Variants in UGT1A9 observed in about 807,000 individuals in gnomAD.
UGT1A9 encodes the protein UDP glucuronosyltransferase family 1 member A9, also known as UDP-glucuronosyltransferase 1A9.
In UGT1A9, 35 loss-of-function variants were observed where a neutral mutation model predicts 45.0. The ratio of observed to expected loss-of-function variants is 0.78; its 90% CI spans 0.59 to 1.03. The LOEUF is 1.03. UGT1A9 is among the 50% of genes least tolerant of loss of function. The pLI, the probability that UGT1A9 is intolerant of heterozygous loss-of-function variation, is 0.00. For synonymous variants in UGT1A9, 278 were observed against 250.6 expected (o/e 1.11, Z -1.03); for missense variants, 687 against 666.6 (o/e 1.03, Z -0.34).
chr2:233,759,135 A>G (rs1346504675), intron 1 of UGT1A9, among the ~76,000 whole-genome samples: 1 of 152,234 alleles, frequency 6.6e-6, no homozygotes, highest in African/African-American at 2.4e-5. Flanking sequence ...CTGGTACGCA[A>G]TGAAGGTGAG....
intron 1 of UGT1A9, chr2:233,743,635 G>C: frequency 1.5e-6 from 2 of 1,367,296 alleles, no homozygotes; most frequent in Non-Finnish European, 2.0e-6. Flanking sequence ...CGGCTGGGTC[G>C]CGGAAGCTGA....
chr2:233,724,642 G>A (rs896870557), intron 1 of UGT1A9, among the ~76,000 whole-genome samples: 3 of 142,058 alleles, frequency 2.1e-5, no homozygotes, highest in African/African-American at 8.0e-5. Flanking sequence ...AGATGTGATG[G>A]CGGCTGGGAA....
chr2:233,757,806 A>G (rs1052183239), intron 1 of UGT1A9, among the ~76,000 whole-genome samples: 1 of 151,788 alleles, frequency 6.6e-6, no homozygotes, highest in Non-Finnish European at 1.5e-5. Context: ...AGGAGATGAA[A>G]GGAGCTGGTA....
At chr2:233,748,157 C>A in intron 1 of UGT1A9, 2 of 1,600,820 alleles carry the variant, frequency 1.2e-6, no homozygotes, top group Non-Finnish European at 1.7e-6. Context: ...ACAATTGCTT[C>A]CATATCTACT....
intron 1 of UGT1A9, among the ~76,000 whole-genome samples, chr2:233,683,181 A>C (rs527983544): frequency 9.9e-5 from 15 of 152,270 alleles, no homozygotes; most frequent in African/African-American, 3.6e-4. Flanking sequence ...ATGTATATGC[A>C]TATATTTAGG....
chr2:233,746,130 T>A (rs757715130), intron 1 of UGT1A9, among the ~76,000 whole-genome samples: 6 of 151,866 alleles, frequency 4.0e-5, no homozygotes, highest in Non-Finnish European at 8.8e-5. Context: ...AACTGTGGAC[T>A]GGCACCTGAG....
At chr2:233,677,925 C>A (rs548235410) in intron 1 of UGT1A9, among the ~76,000 whole-genome samples, 1 of 152,070 alleles carries the variant, frequency 6.6e-6, no homozygotes, top group South Asian at 2.1e-4. Flanking sequence ...AACCTAGGTG[C>A]CCGTCAACAG....
At chr2:233,699,334 C>T (rs775076537) in intron 1 of UGT1A9, among the ~76,000 whole-genome samples, 1 of 152,186 alleles carries the variant, frequency 6.6e-6, no homozygotes, top group Non-Finnish European at 1.5e-5. Flanking sequence ...GAGTTTCATC[C>T]ACCCTAGGGC....
chr2:233,678,846 T>G (rs892864220), intron 1 of UGT1A9, among the ~76,000 whole-genome samples: 4 of 152,204 alleles, frequency 2.6e-5, no homozygotes, highest in Non-Finnish European at 5.9e-5. Context: ...ATCCCCAACA[T>G]TTTGTTGCTG....
chr2:233,772,754 T>C lies in UGT1A9; in HGVS notation c.*195T>C. On this transcript the variant is annotated 3_prime_UTR_variant, in exon 5 of 5. Transcript: ENST00000354728. ...GCTAGTCAGTAAAGATATTTGAATA[T>C]GTATCGTGCCCCCTCTGGTGTCTTT... 2 of 1,409,478 alleles carry C rather than the reference T, an allele frequency of 1.4e-6. No individual in the cohort carries two copies. Among genetic ancestry groups the C allele is most frequent in the Non-Finnish European group, 1.9e-6 (2 of 1,074,872 alleles). 87.3% of individuals were successfully genotyped at this position (1,409,478 alleles called of 1,614,324 possible).
chr2:233,695,327 C>T (rs372651727), intron 1 of UGT1A9, among the ~76,000 whole-genome samples: 3 of 151,842 alleles, frequency 2.0e-5, no homozygotes, highest in African/African-American at 4.8e-5. Flanking sequence ...GGTTTCACCA[C>T]GTTGGCCAGG....
At chr2:233,743,548 C>G in intron 1 of UGT1A9, 6 of 1,367,296 alleles carry the variant, frequency 4.4e-6, no homozygotes, top group Non-Finnish European at 5.9e-6. Flanking sequence ...CTGACCCCCC[C>G]AAAATATTCT....
intron 1 of UGT1A9, chr2:233,713,604 A>G (rs1179770710): frequency 6.2e-7 from 1 of 1,613,926 alleles, no homozygotes; most frequent in South Asian, 1.1e-5. Flanking sequence ...TTCAGACCAC[A>G]TGACATTCCT....
intron 1 of UGT1A9, chr2:233,690,534 A>C (rs1240259112): frequency 3.1e-6 from 4 of 1,287,984 alleles, no homozygotes; most frequent in Non-Finnish European, 4.0e-6. Flanking sequence ...TACTTCTTTC[A>C]CCCCACTGGA....
Position 233,769,464 on chromosome 2 carries a change from CGTGTGTGT to C in UGT1A9, c.1295+1033_1295+1040del. 6.7e-7 allele frequency: 1 copy of C among 1,503,278 alleles called. No homozygotes were observed. The highest frequency in any genetic ancestry group is 9.1e-7 in the Non-Finnish European group (1 of 1,095,312). The allele number at this position is 1,503,278 out of a possible 1,614,324, so 93.1% of individuals were successfully genotyped here. A position where few individuals can be genotyped will look rare whatever the true frequency, so the allele number is the denominator to read the frequency against. Reference sequence around the variant, plus strand: ...GGGTGCACACGTGTGCATTCATATGCGTGTGTGTGTGTGTGCGTGTGTTTATGAGAGTG... The same window carrying C: ...GGGTGCACACGTGTGCATTCATATGCGTGTGTGCGTGTGTTTATGAGAGTG... On this transcript the variant is annotated intron_variant, in intron 4 of 4. Transcript: ENST00000354728. The surrounding 1 kb of genome is among the most constrained non-coding windows in gnomAD (Gnocchi z 4.4).
At chr2:233,691,780 A>G (rs1456285892) in intron 1 of UGT1A9, 7 of 283,208 alleles carry the variant, frequency 2.5e-5, no homozygotes, top group Non-Finnish European at 3.7e-5. Context: ...CTCACCACGT[A>G]CTGGCTAGAC....
chr2:233,720,341 A>G (rs1485102276), intron 1 of UGT1A9, among the ~76,000 whole-genome samples: 7 of 152,088 alleles, frequency 4.6e-5, no homozygotes, highest in Non-Finnish European at 1.0e-4. Flanking sequence ...TTTGGAAGGT[A>G]TGGTGATGGT....
At chr2:233,734,353 G>A (rs1251475810) in intron 1 of UGT1A9, among the ~76,000 whole-genome samples, 8 of 152,136 alleles carry the variant, frequency 5.3e-5, no homozygotes, top group Non-Finnish European at 1.2e-4. Flanking sequence ...TTGTATTTCT[G>A]TGGGATCGGT....
chr2:233,685,099 A>G (rs886216892), intron 1 of UGT1A9, among the ~76,000 whole-genome samples: 4 of 152,174 alleles, frequency 2.6e-5, no homozygotes, highest in South Asian at 2.1e-4. Flanking sequence ...CCTATAACAA[A>G]ATCTTATTGA....
Sources: gnomAD v4.1 joint callset for allele counts (sites outside exome capture counted in the v4.1 genomes callset) on GRCh38, gnomAD v4.1.1 for gene constraint, Gnocchi (gnomAD v3.1) non-coding constraint, MANE v1.5 for transcripts, NCBI Gene and HGNC (gene_info 2026-07-23, HGNC 2026-07-21) for gene names.